The following CRTC2 variants were observed in gnomAD, a reference collection of about 807,000 sequenced individuals.
CRTC2 encodes the protein CREB regulated transcription coactivator 2.
Under a neutral mutation model 70.9 loss-of-function variants are expected in CRTC2, and 25 were observed. The observed-to-expected ratio is 0.35, with a 90% CI of 0.26 to 0.49. CRTC2 has a LOEUF of 0.49. CRTC2 is among the 20% of genes least tolerant of loss of function. The probability of loss-of-function intolerance (pLI) is 0.98; values close to 1 mark genes in which losing one functional copy is unlikely to be tolerated. For synonymous variants in CRTC2, 330 were observed against 364.1 expected (o/e 0.91, Z 1.07); for missense variants, 737 against 882.6 (o/e 0.83, Z 2.09).
At position 153,958,576 on chromosome 1, in the gene CRTC2, C is replaced by T; in HGVS notation, c.-79G>A. Reference sequence around the variant, plus strand: ...CGCGGCCTCGGCCCGGCTCCTCCAGCCGTAGCCACCGCCGCCTCAGCGAGC... The same window carrying T: ...CGCGGCCTCGGCCCGGCTCCTCCAGTCGTAGCCACCGCCGCCTCAGCGAGC... On this transcript the variant is annotated 5_prime_UTR_variant, in exon 1 of 14. Transcript: ENST00000368633. 7.2e-7 allele frequency: 1 copy of T among 1,382,728 alleles called. No individual in the cohort carries two copies. Among genetic ancestry groups the T allele is most frequent in the Non-Finnish European group, 9.7e-7 (1 of 1,033,590 alleles). 85.7% of individuals were successfully genotyped at this position (1,382,728 alleles called of 1,614,324 possible). A position where few individuals can be genotyped will look rare whatever the true frequency, so the allele number is the denominator to read the frequency against.
Position 153,951,462 on chromosome 1 carries a change from G to A in CRTC2, c.1202C>T (p.Ser401Phe), listed in dbSNP as rs1680315931. 1.3e-6 allele frequency: 2 copies of A among 1,597,870 alleles called. No individual in the cohort carries two copies. Among genetic ancestry groups the A allele is most frequent in the Middle Eastern group, 1.7e-4 (1 of 5,952 alleles). ...AGGAGATGAAGTGGAGGAGGAGGAA[G>A]AGGAGGAGGAGAGAGCCGGAGCACT... ...SLSAPALSSSSSSSSTSSPVL... is the reference protein window; with the variant it reads ...SLSAPALSSSFSSSSTSSPVL... Residue 401 changes from serine (S) to phenylalanine (F), a missense_variant, in exon 11 of 14, where the codon TCT becomes TTT. Physicochemically the swap from Ser to Phe is radical, Grantham distance 155. Around this residue, in one of 3 missense-constraint regions of CRTC2, gnomAD observed 699 missense variants for 823.7 expected, o/e 0.85. Coordinates refer to ENST00000368633, the MANE Select transcript of CRTC2 (RefSeq NM_181715.3).
At chr1:153,952,362 C>A in intron 9 of CRTC2, 35 bp downstream of exon 9, 1 of 1,611,824 alleles carries the variant, frequency 6.2e-7, no homozygotes, top group South Asian at 1.1e-5. Flanking sequence ...GTACTTCCTT[C>A]CCCCACCTCT....
intron 4 of CRTC2, 118 bp downstream of exon 4, chr1:153,954,137 G>T: frequency 2.6e-6 from 2 of 761,816 alleles, no homozygotes; most frequent in Non-Finnish European, 2.3e-6. Context: ...TGGCGTTATA[G>T]GAAGAGGTAC....
Position 153,954,308 on chromosome 1 carries a change from G to A in CRTC2, c.381C>T (p.Ser127=), listed in dbSNP as rs1386816871. ...ATAAGTAGGCAGGACTATAGGGAGA[G>A]CTGTCAATGTGAACAGCACCAGTTA... ...PLRRYTRHID[S]SPYSPAYLSP... The change falls in exon 4 of 14, where the codon AGC becomes AGT. Residue 127 remains serine, a synonymous_variant. Transcript: ENST00000368633. The A allele has an allele frequency of 6.2e-7, 1 of 1,611,616 alleles. No individual in the cohort carries two copies. The highest frequency in any genetic ancestry group is 1.7e-5 in the Admixed American group (1 of 59,774).
chr1:153,953,260 A>G lies in CRTC2; in HGVS notation c.607+6T>C. 1 of 1,543,658 alleles carries G rather than the reference A, an allele frequency of 6.5e-7. No individual in the cohort carries two copies. Among genetic ancestry groups the G allele is most frequent in the Non-Finnish European group, 8.8e-7 (1 of 1,137,182 alleles). On this transcript the variant is annotated splice_donor_region_variant and intron_variant, in intron 6 of 13. Transcript: ENST00000368633. ...TTACTCCCAACCCTGGGACAGGGCCACTTACCCCCACGTCGGCTGGGCAGG... is the reference window on the plus strand; with the variant it reads ...TTACTCCCAACCCTGGGACAGGGCCGCTTACCCCCACGTCGGCTGGGCAGG...
intron 1 of CRTC2, among the ~76,000 whole-genome samples, chr1:153,957,408 T>C (rs1277588722): frequency 6.6e-6 from 1 of 152,138 alleles, no homozygotes; most frequent in East Asian, 1.9e-4. Context: ...TACTGTTGTT[T>C]TAGAAGAATG....
At position 153,951,334 on chromosome 1, in the gene CRTC2, C is replaced by A. The variant is rs139505722; in HGVS notation, c.1330G>T (p.Ala444Ser). 6 of 1,613,678 alleles carry A rather than the reference C, an allele frequency of 3.7e-6. No individual in the cohort carries two copies. The East Asian group carries it at 6.7e-5, about 18-fold the overall frequency. ...GGCAGCTGCTGTTGGGACCTTCTGGCGTCGGCTGGGCCCGCGAGCAAACTC... is the reference window on the plus strand; with the variant it reads ...GGCAGCTGCTGTTGGGACCTTCTGGAGTCGGCTGGGCCCGCGAGCAAACTC... ...PLSLLAGPADARRSQQQLPKQ... is the reference protein window; with the variant it reads ...PLSLLAGPADSRRSQQQLPKQ... Residue 444 changes from alanine to serine, a missense_variant, in exon 11 of 14, where the codon GCC becomes TCC. Transcript: ENST00000368633.
Position 153,957,958 on chromosome 1 carries a change from G to A in CRTC2, c.153+387C>T, listed in dbSNP as rs1680719632. On this transcript the variant is annotated intron_variant, in intron 1 of 13. Transcript: ENST00000368633. ...GAGATCACAAACTCAGAGGAGCCAG[G>A]TTACAGACAAGCAGCCCTCCTCCCA... The A allele has an allele frequency of 4.3e-6, 4 of 921,388 alleles. No individual in the cohort carries two copies. The South Asian group carries it at 8.1e-5, about 19-fold the overall frequency. The allele number at this position is 921,388 out of a possible 1,614,324, so 57.1% of individuals were successfully genotyped here.
At chr1:153,958,012 A>T in intron 1 of CRTC2, 1 of 1,196,680 alleles carries the variant, frequency 8.4e-7, no homozygotes, top group Non-Finnish European at 1.0e-6. Context: ...GGCATGCTTC[A>T]GTAGCGTCCT....
At chr1:153,951,142 A>C in intron 11 of CRTC2, 118 bp downstream of exon 11, 1 of 1,094,554 alleles carries the variant, frequency 9.1e-7, no homozygotes, top group Non-Finnish European at 1.3e-6. Context: ...CGGAGGACAG[A>C]GGAATGGAAG....
Position 153,951,998 on chromosome 1 carries a change from T to C in CRTC2, c.997+20A>G. On this transcript the variant is annotated intron_variant, in intron 10 of 13. Coordinates refer to ENST00000368633, the MANE Select transcript of CRTC2 (RefSeq NM_181715.3). ...AGTCAGGCAGCACCCAGTGGGCACA[T>C]GGCCAGGACAGTCACTCACCTGGTG... 6.2e-7 allele frequency: 1 copy of C among 1,604,990 alleles called. No individual in the cohort carries two copies. The highest frequency in any genetic ancestry group is 8.5e-7 in the Non-Finnish European group (1 of 1,175,656).
chr1:153,958,260 T>C, intron 1 of CRTC2, 85 bp downstream of exon 1: 1 of 1,525,582 alleles, frequency 6.6e-7, no homozygotes, highest in Non-Finnish European at 8.8e-7. Context: ...CCTCCTTCGC[T>C]GCGGCGCCCG....
At chr1:153,957,703 A>C (rs542539984) in intron 1 of CRTC2, among the ~76,000 whole-genome samples, 1 of 152,318 alleles carries the variant, frequency 6.6e-6, no homozygotes, top group African/African-American at 2.4e-5. Context: ...CAGTTGTCGG[A>C]TTCAAAACCC....
At position 153,953,536 on chromosome 1, in the gene CRTC2, A is replaced by G; in HGVS notation, c.503+2T>C. 1 of 1,610,034 alleles carries G rather than the reference A, an allele frequency of 6.2e-7. No homozygotes were observed. Among genetic ancestry groups the G allele is most frequent in the Non-Finnish European group, 8.5e-7 (1 of 1,178,512 alleles). Reference sequence around the variant, plus strand: ...TGGCCTAAAGAAGGCAAAAGCCATCACCTGTTAAGTGCAGATGGTAGTCGA... The same window carrying G: ...TGGCCTAAAGAAGGCAAAAGCCATCGCCTGTTAAGTGCAGATGGTAGTCGA... On this transcript the variant is annotated splice_donor_variant, in intron 5 of 13. Transcript: ENST00000368633. LOFTEE classifies it high-confidence loss of function.
intron 3 of CRTC2, 76 bp from the exon 4 acceptor site, chr1:153,954,392 A>G: frequency 1.0e-6 from 1 of 986,894 alleles, no homozygotes; most frequent in South Asian, 1.3e-5. Context: ...CAATGAAGGC[A>G]GCAGATAAGT....
chr1:153,955,066 T>C lies in CRTC2; in HGVS notation c.254A>G (p.Gln85Arg), dbSNP rs369344095. The C allele has an allele frequency of 1.5e-4, 244 of 1,613,952 alleles. No homozygotes were observed. Among genetic ancestry groups the C allele is most frequent in the Non-Finnish European group, 2.0e-4 (239 of 1,179,952 alleles). ...NQIGSGLAEF[Q>R]SPLHSPLDSS... is the part of the protein sequence containing the mutation. ...CCTCCCTGGCTGGGGTCTACTCACC[T>C]GGAACTCGGCCAGGCCAGAGCCAAT... Residue 85 changes from glutamine (Q) to arginine (R), a missense_variant and splice_region_variant, in exon 2 of 14, where the codon CAG (glutamine) becomes CGG (arginine). Physicochemically the swap from Gln to Arg is conservative, Grantham distance 43. Around this residue, in one of 3 missense-constraint regions of CRTC2, gnomAD observed 699 missense variants for 823.7 expected, o/e 0.85. Transcript: ENST00000368633.
intron 5 of CRTC2, 70 bp downstream of exon 5, chr1:153,953,468 G>T (rs866845657): frequency 1.3e-6 from 2 of 1,531,200 alleles, no homozygotes; most frequent in South Asian, 1.1e-5. Context: ...GGAACAGGGT[G>T]GGGGTGAGGG....
At position 153,948,559 on chromosome 1, in the gene CRTC2, C is replaced by T. The variant is rs1680147950; in HGVS notation, c.1760G>A (p.Gly587Asp). The change falls in exon 13 of 14, where the codon GGT (glycine) becomes GAT (aspartate). Residue 587 changes from glycine (G) to aspartate (D), a missense_variant. Gly to Asp is a moderately conservative substitution (Grantham distance 94). Coordinates refer to ENST00000368633, the MANE Select transcript of CRTC2 (RefSeq NM_181715.3). ...CTGGGGGCCACCCATTGGCCCCTCACCCCCTAAAAATCCAGGCCCTTCAGA... is the reference window on the plus strand; with the variant it reads ...CTGGGGGCCACCCATTGGCCCCTCATCCCCTAAAAATCCAGGCCCTTCAGA... ...GFSEGPGFLG[G>D]EGPMGGPQDP... The T allele has an allele frequency of 1.2e-6, 2 of 1,610,984 alleles. No individual in the cohort carries two copies. The highest frequency in any genetic ancestry group is 1.7e-6 in the Non-Finnish European group (2 of 1,178,904).
intron 10 of CRTC2, 163 bp downstream of exon 10, chr1:153,951,855 C>T (rs1413907917): frequency 9.0e-7 from 1 of 1,112,352 alleles, no homozygotes; most frequent in East Asian, 2.5e-5. Context: ...ACCACACCTA[C>T]CAGTTATCAC....
Sources: allele counts gnomAD v4.1 joint callset (sites outside exome capture counted in the v4.1 genomes callset), GRCh38; gene constraint gnomAD v4.1.1; regional missense constraint gnomAD v4.1.1; transcripts MANE v1.5; gene names NCBI Gene and HGNC (gene_info 2026-07-23, HGNC 2026-07-21).